PSG7: variants seen among roughly 807,000 people sequenced by gnomAD.
The protein encoded by PSG7 is pregnancy specific beta-1-glycoprotein 7.
Under a neutral mutation model 45.6 loss-of-function variants are expected in PSG7, and 57 were observed. The observed-to-expected ratio is 1.25, with a 90% CI of 1.01 to 1.56. PSG7 has a LOEUF of 1.56. Ranked by LOEUF, PSG7 falls within the 40% of genes most tolerant of loss-of-function variation. The probability of loss-of-function intolerance (pLI) is 0.00; values close to 1 mark genes in which losing one functional copy is unlikely to be tolerated. For synonymous variants in PSG7, 298 were observed against 194.4 expected (o/e 1.53, Z -4.43); for missense variants, 796 against 508.4 (o/e 1.57, Z -5.44).
At position 42,924,384 on chromosome 19, in the gene PSG7, T is replaced by C. The variant is rs1296202255; in HGVS notation, c.*424A>G. Reference sequence around the variant, plus strand: ...AGCCACATTTCCTCCTGAGATGTTATGTAAAAGTCTGAGGTTGAGATGACA... The same window carrying C: ...AGCCACATTTCCTCCTGAGATGTTACGTAAAAGTCTGAGGTTGAGATGACA... On this transcript the variant is annotated 3_prime_UTR_variant, in exon 6 of 6. Transcript: ENST00000406070. 1.6e-5 allele frequency: 7 copies of C among 439,188 alleles called. No individual in the cohort carries two copies. The highest frequency in any genetic ancestry group is 9.8e-5 in the East Asian group (3 of 30,606). The allele number at this position is 439,188 out of a possible 1,614,324, so 27.2% of individuals were successfully genotyped here.
chr19:42,935,427 C>A lies in PSG7; in HGVS notation c.407G>T (p.Gly136Val). Residue 136 changes from glycine to valine, a missense_variant, in exon 2 of 6, where the codon GGA (glycine) becomes GTA (valine). By Grantham distance (109) the Gly-to-Val change is moderately radical (BLOSUM62 -3). Coordinates refer to ENST00000406070, the MANE Select transcript of PSG7 (RefSeq NM_002783.3). ...ACGGTATAAGGTGAAGGTGAAACGT[C>A]CAGTTACTCCTCCAGTCCCATCACC... ...KRGDGTGGVT[G>V]RFTFTLYLET... is the part of the protein sequence containing the mutation. The A allele has an allele frequency of 6.2e-7, 1 of 1,611,910 alleles. No individual in the cohort carries two copies. The highest frequency in any genetic ancestry group is 8.5e-7 in the Non-Finnish European group (1 of 1,178,822).
intron 1 of PSG7, among the ~76,000 whole-genome samples, 178 bp downstream of exon 1, chr19:42,936,835 G>T (rs1380573405): frequency 6.6e-6 from 1 of 151,314 alleles, no homozygotes; most frequent in Non-Finnish European, 1.5e-5. Context: ...TTTTAGTACA[G>T]ACAGGGCTAC....
At position 42,925,023 on chromosome 19, in the gene PSG7, G is replaced by C. The variant is rs1972494982; in HGVS notation, c.1244-199C>G. ...TGGTCTGATTGTTTACATAAGTGCA[G>C]CAAGAGTAGCAATGGACTATGTAGG... On this transcript the variant is annotated intron_variant, in intron 5 of 5. Coordinates refer to ENST00000406070, the MANE Select transcript of PSG7 (RefSeq NM_002783.3). The C allele has an allele frequency of 9.9e-6, 6 of 604,474 alleles. No homozygotes were observed. In the South Asian group the frequency reaches 1.3e-4, roughly 13 times the overall value. 37.4% of individuals were successfully genotyped at this position (604,474 alleles called of 1,614,324 possible). A position where few individuals can be genotyped will look rare whatever the true frequency, so the allele number is the denominator to read the frequency against.
rs771603144 is a variant in PSG7 at position 42,926,144 on chromosome 19, A to T, written c.989-117T>A. 130 of 1,491,006 alleles carry T rather than the reference A, an allele frequency of 8.7e-5. 3 individuals are homozygous for T. Among genetic ancestry groups the T allele is most frequent in the Non-Finnish European group, 1.1e-4 (125 of 1,105,434 alleles). The allele number at this position is 1,491,006 out of a possible 1,614,324, so 92.4% of individuals were successfully genotyped here. A position where few individuals can be genotyped will look rare whatever the true frequency, so the allele number is the denominator to read the frequency against. On this transcript the variant is annotated intron_variant, in intron 4 of 5. Coordinates refer to ENST00000406070, the MANE Select transcript of PSG7 (RefSeq NM_002783.3). ...GAGACACACCCTCAAGTGACAGCCA[A>T]ATCCCCTCTATGTTCACTGAGCCGA...
intron 3 of PSG7, among the ~76,000 whole-genome samples, chr19:42,927,761 G>C (rs961228524): frequency 6.6e-6 from 1 of 151,600 alleles, no homozygotes; most frequent in South Asian, 2.1e-4. Context: ...GCCAGGAGCT[G>C]GGAGTGGGGA....
chr19:42,933,182 G>C (rs1191588971), intron 2 of PSG7, among the ~76,000 whole-genome samples: 2 of 140,038 alleles, frequency 1.4e-5, no homozygotes, highest in Admixed American at 1.5e-4. Flanking sequence ...TGGGGAGGCT[G>C]ATTTGAGTAA....
At chr19:42,925,702 C>G (rs546737291) in intron 5 of PSG7, 71 bp downstream of exon 5, 2 of 1,607,302 alleles carry the variant, frequency 1.2e-6, no homozygotes, top group Admixed American at 3.3e-5. Flanking sequence ...AAATGTTTTC[C>G]TGACTTTTCT....
Position 42,929,793 on chromosome 19 carries a change from G to A in PSG7, c.431-73C>T, listed in dbSNP as rs1684455848. 7 of 1,549,500 alleles carry A rather than the reference G, an allele frequency of 4.5e-6. No individual in the cohort carries two copies. The Admixed American group carries it at 9.2e-5, about 20-fold the overall frequency. The stretch of plus-strand genomic sequence containing the variant: ...CCTCCAAAGGCATTTTTCAATCAGA[G>A]TTGGCATTTCCAACCTCTCAGCCCA... On this transcript the variant is annotated intron_variant, in intron 2 of 5. Transcript: ENST00000406070.
intron 3 of PSG7, 125 bp downstream of exon 3, chr19:42,929,317 A>G: frequency 1.3e-6 from 2 of 1,581,896 alleles, no homozygotes; most frequent in Non-Finnish European, 1.7e-6. Context: ...GGAAGTCACC[A>G]CCAGCTTTGA....
At chr19:42,931,591 G>A (rs1973021378) in intron 2 of PSG7, among the ~76,000 whole-genome samples, 1 of 151,568 alleles carries the variant, frequency 6.6e-6, no homozygotes, top group African/African-American at 2.4e-5. Flanking sequence ...CACCACTAGA[G>A]TTTAAGTTTG....
chr19:42,928,552 T>C (rs1213169905), intron 3 of PSG7, among the ~76,000 whole-genome samples: 1 of 151,722 alleles, frequency 6.6e-6, no homozygotes, highest in Non-Finnish European at 1.5e-5. Flanking sequence ...TTAATGTGAA[T>C]TGAAATTATT....
rs1206833404 is a variant in PSG7 at position 42,929,651 on chromosome 19, A to G, written c.500T>C (p.Leu167Ser). 4 of 1,612,344 alleles carry G rather than the reference A, an allele frequency of 2.5e-6. No homozygotes were observed. Among genetic ancestry groups the G allele is most frequent in the Non-Finnish European group, 3.4e-6 (4 of 1,179,200 alleles). The change falls in exon 3 of 6, where the codon TTA (leucine) becomes TCA (serine). Residue 167 changes from leucine to serine, a missense_variant. By Grantham distance (145) the Leu-to-Ser change is moderately radical. Coordinates refer to ENST00000406070, the MANE Select transcript of PSG7 (RefSeq NM_002783.3). ...ATCTGGAGTCTCAGGATCACAGGTT[A>G]AAATCACAGCCTCCGTGGCCTCCCT... is the stretch of plus-strand genomic sequence containing the variant. Reference protein sequence around the residue: ...NPREATEAVILTCDPETPDAS... With the variant: ...NPREATEAVISTCDPETPDAS...
In PSG7 at chr19:42,925,879, A is replaced by G. The variant is rs1450356704; in HGVS notation, c.1137T>C (p.Leu379=). The G allele has an allele frequency of 1.2e-5, 19 of 1,612,120 alleles. No individual in the cohort carries two copies. In the African/African-American group the frequency reaches 2.0e-4, roughly 17 times the overall value. The change falls in exon 5 of 6, where the codon CTT becomes CTC. Residue 379 remains leucine (L), a synonymous_variant. Transcript: ENST00000406070. ...GCTTTGTAGTAATCTGGGGGATAGA[A>G]AGCTTTTGTCCTGATAGCTGAAACT... The part of the protein sequence containing the change: ...NGKFQLSGQK[L]SIPQITTKHS...
chr19:42,930,920 A>AT (rs985317575), intron 2 of PSG7, among the ~76,000 whole-genome samples: 2 of 151,566 alleles, frequency 1.3e-5, no homozygotes, highest in African/African-American at 4.9e-5. Context: ...TCAATTTCTA[A>AT]TTTTTTTATT....
intron 3 of PSG7, chr19:42,927,654 T>C (rs1381646616): frequency 6.6e-6 from 1 of 151,648 alleles, no homozygotes; most frequent in Non-Finnish European, 1.5e-5. Flanking sequence ...ATATTTTCTT[T>C]CACTGGACAT....
chr19:42,927,662 C>T (rs1972926106), intron 3 of PSG7: 1 of 151,604 alleles, frequency 6.6e-6, no homozygotes, highest in South Asian at 2.1e-4. Flanking sequence ...TTTCACTGGA[C>T]ATTCTACTCT....
intron 3 of PSG7, among the ~76,000 whole-genome samples, chr19:42,927,770 G>T (rs1321233151): frequency 4.0e-5 from 6 of 151,608 alleles, no homozygotes; most frequent in African/African-American, 4.9e-5. Flanking sequence ...TGGGAGTGGG[G>T]AGAATCAGAA....
rs1367744224 is a variant in PSG7 at position 42,929,344 on chromosome 19, T to C, written c.709+98A>G. On this transcript the variant is annotated intron_variant, in intron 3 of 5. Transcript: ENST00000406070. ...CAGCTTTGATGTCCAGGGGTAAAGGTCTACATACTTGGACCTGAGAGGGAC... is the reference window on the plus strand; with the variant it reads ...CAGCTTTGATGTCCAGGGGTAAAGGCCTACATACTTGGACCTGAGAGGGAC... The C allele has an allele frequency of 2.7e-5, 44 of 1,603,066 alleles. 5 individuals are homozygous for C. Among genetic ancestry groups the C allele is most frequent in the Non-Finnish European group, 3.7e-5 (43 of 1,174,208 alleles).
chr19:42,933,307 A>ATATATATATATAT (rs56691588), intron 2 of PSG7, among the ~76,000 whole-genome samples: 18 of 13,496 alleles, frequency 1.3e-3, no homozygotes, highest in South Asian at 7.0e-3. Context: ...ATATATATAT[A>ATATATATATATAT]TTTTTTTTTT....
Sources: allele counts gnomAD v4.1 joint callset (sites outside exome capture counted in the v4.1 genomes callset), GRCh38; gene constraint gnomAD v4.1.1; transcripts MANE v1.5; gene names NCBI Gene and HGNC (gene_info 2026-07-23, HGNC 2026-07-21).